Variants in GFRA2 observed in about 807,000 individuals in gnomAD.
GFRA2 encodes GDNF family receptor alpha-2.
GFRA2 carries 17 observed loss-of-function variants against 48.3 expected under a neutral mutation model. The observed-to-expected ratio is 0.35, with a 90% confidence interval of 0.24 to 0.53. The LOEUF is 0.53. Among genes scored for constraint, GFRA2 ranks in the 20% least tolerant of loss-of-function variants. GFRA2 has a pLI of 0.93. For synonymous variants in GFRA2, 305 were observed against 257.2 expected, an observed-to-expected ratio of 1.19 and a Z score of -1.78; for missense variants, 660 against 637.3, an observed-to-expected ratio of 1.04 and a Z score of -0.38.
upstream of GFRA2, among the ~76,000 whole-genome samples, chr8:21,793,360 A>G (rs1807611602): frequency 6.6e-6 from 1 of 152,178 alleles, no homozygotes; most frequent in Non-Finnish European, 1.5e-5. Context: ...TGAGGGTCCA[A>G]CAGGGAGTGG....
chr8:21,775,093 G>A (rs905962614), intron 2 of GFRA2, 38 bp from the exon 3 acceptor site: 154 of 1,052,992 alleles, frequency 1.5e-4, no homozygotes, highest in Non-Finnish European at 2.2e-4. Flanking sequence ...GGGCTCCTCC[G>A]GGCCAGAGCG....
At chr8:21,704,651 G>A (rs972380342) in intron 6 of GFRA2, among the ~76,000 whole-genome samples, 4 of 152,164 alleles carry the variant, frequency 2.6e-5, no homozygotes, top group African/African-American at 7.2e-5. Context: ...AAATAAACTC[G>A]TTAAAGGGAG....
chr8:21,787,265 G>GGGGGGGGGGGGGGGGGGGGGT (rs1807323625), intron 1 of GFRA2, among the ~76,000 whole-genome samples: 1 of 149,438 alleles, frequency 6.7e-6, no homozygotes. Context: ...GGAGGCGGCG[G>GGGGGGGGGGGGGGGGGGGGGT]GGGGGGCAGT....
chr8:21,738,262 C>T (rs1296037222), intron 4 of GFRA2, among the ~76,000 whole-genome samples: 2 of 146,120 alleles, frequency 1.4e-5, no homozygotes, highest in African/African-American at 5.1e-5. Flanking sequence ...ACAACATCAC[C>T]AGCCAGCTGG....
chr8:21,790,272 A>G (rs989973517), upstream of GFRA2, among the ~76,000 whole-genome samples: 8 of 152,198 alleles, frequency 5.3e-5, no homozygotes, highest in Admixed American at 5.2e-4. Context: ...CCTCGCACTC[A>G]GCTCGGCGCG....
chr8:21,764,926 T>C (rs543812231), intron 3 of GFRA2, among the ~76,000 whole-genome samples: 1 of 152,178 alleles, frequency 6.6e-6, no homozygotes, highest in African/African-American at 2.4e-5. Context: ...CATTTTCTCC[T>C]CCATCCTCCT....
intron 4 of GFRA2, among the ~76,000 whole-genome samples, chr8:21,729,640 G>A (rs992536806): frequency 6.6e-6 from 1 of 152,166 alleles, no homozygotes; most frequent in Non-Finnish European, 1.5e-5. Flanking sequence ...GACACACACA[G>A]ACAAGCTCGC....
At chr8:21,765,907 C>T (rs1208612134) in intron 3 of GFRA2, among the ~76,000 whole-genome samples, 10 of 152,108 alleles carry the variant, frequency 6.6e-5, no homozygotes, top group African/African-American at 2.4e-4. Flanking sequence ...TATTCCCAGC[C>T]CATGCATCCT....
At chr8:21,790,038 G>A (rs944679726), upstream of GFRA2, 18 of 982,690 alleles carry the variant, frequency 1.8e-5, no homozygotes, top group East Asian at 1.1e-4. Flanking sequence ...GGAAGGGGGC[G>A]ATTGATCCAT....
chr8:21,794,012 C>T (rs1249501183), intron 2 of GFRA2, among the ~76,000 whole-genome samples: 1 of 151,754 alleles, frequency 6.6e-6, no homozygotes, highest in East Asian at 1.9e-4. Context: ...TACAGGCCTG[C>T]ACCTGGCTTA....
chr8:21,731,022 C>T (rs758381618), intron 4 of GFRA2, among the ~76,000 whole-genome samples: 1 of 152,052 alleles, frequency 6.6e-6, no homozygotes. Context: ...CCTCGTGTTG[C>T]GGACACTAAC....
At chr8:21,725,579 TA>T (rs987353210) in intron 4 of GFRA2, among the ~76,000 whole-genome samples, 10 of 152,376 alleles carry the variant, frequency 6.6e-5, no homozygotes, top group Non-Finnish European at 1.3e-4. Flanking sequence ...TAATAATAAC[TA>T]ACAATTTTGA....
chr8:21,717,778 C>T (rs940138771), intron 4 of GFRA2, among the ~76,000 whole-genome samples: 3 of 152,150 alleles, frequency 2.0e-5, no homozygotes, highest in African/African-American at 7.2e-5. Flanking sequence ...GGAGAAAGAG[C>T]CTAGGGCTAT....
At position 21,788,138 on chromosome 8, in the gene GFRA2, A is replaced by G. The variant is rs1191684730; in HGVS notation, c.22T>C (p.Cys8Arg). 2.6e-6 allele frequency: 4 copies of G among 1,561,252 alleles called. No individual in the cohort carries two copies. The African/African-American group carries it at 5.5e-5, about 22-fold the overall frequency. The stretch of plus-strand genomic sequence containing the variant: ...TACTCACCTAGAAAGAAGAAGAGGC[A>G]GAAGACGTTTGCCAAGATCATGTTA... MILANVF[C>R]LFFFLDETLR... Residue 8 changes from cysteine to arginine, a missense_variant, in exon 1 of 9, where the codon TGC (cysteine) becomes CGC (arginine). Coordinates refer to ENST00000524240, the MANE Select transcript of GFRA2 (RefSeq NM_001495.5).
At chr8:21,694,420 C>G in intron 8 of GFRA2, 44 bp downstream of exon 8, 2 of 1,573,572 alleles carry the variant, frequency 1.3e-6, no homozygotes, top group South Asian at 2.3e-5. Flanking sequence ...CGCCCCCCAC[C>G]GGCCCAGCCT....
chr8:21,729,973 CA>C (rs1463672514), intron 4 of GFRA2, among the ~76,000 whole-genome samples: 9 of 152,104 alleles, frequency 5.9e-5, no homozygotes, highest in Non-Finnish European at 1.2e-4. Context: ...GCAGAGATCC[CA>C]CCACACTCTG....
At chr8:21,751,688 G>C (rs1805301063) in intron 3 of GFRA2, among the ~76,000 whole-genome samples, 1 of 152,222 alleles carries the variant, frequency 6.6e-6, no homozygotes, top group African/African-American at 2.4e-5. Context: ...GTGGTGGGAA[G>C]GACTTGGGGT....
intron 1 of GFRA2, 29 bp downstream of exon 1, chr8:21,788,091 C>T (rs979329092): frequency 7.2e-7 from 1 of 1,393,804 alleles, no homozygotes; most frequent in Non-Finnish European, 1.0e-6. Flanking sequence ...CTCGCCTCCC[C>T]CTCGAGCTCG....
At chr8:21,699,776 C>A (rs552484640) in intron 7 of GFRA2, among the ~76,000 whole-genome samples, 1 of 152,234 alleles carries the variant, frequency 6.6e-6, no homozygotes, top group African/African-American at 2.4e-5. Flanking sequence ...AGCCCATCCT[C>A]TAGGACAGCA....
Sources: allele counts gnomAD v4.1 joint callset (sites outside exome capture counted in the v4.1 genomes callset), GRCh38; gene constraint gnomAD v4.1.1; transcripts MANE v1.5; gene names NCBI Gene and HGNC (gene_info 2026-07-23, HGNC 2026-07-21).